The following ADCY2 variants were observed in gnomAD, a reference collection of about 807,000 sequenced individuals.
ADCY2 encodes the protein adenylate cyclase type 2.
Under a neutral mutation model 125.2 loss-of-function variants are expected in ADCY2, and 31 were observed. The observed-to-expected ratio is 0.25, with a 90% CI of 0.19 to 0.33. ADCY2 has a LOEUF of 0.33. Among genes scored for constraint, ADCY2 ranks in the 10% least tolerant of loss-of-function variants. The pLI is 1.00. For missense variants in ADCY2, 904 were observed against 1,418.2 expected, an observed-to-expected ratio of 0.64 and a Z score of 5.82; for synonymous variants, 512 against 548.4, an observed-to-expected ratio of 0.93 and a Z score of 0.93.
At chr5:7,728,085 A>G (rs986748160) in intron 14 of ADCY2, among the ~76,000 whole-genome samples, 3 of 151,614 alleles carry the variant, frequency 2.0e-5, no homozygotes, top group Non-Finnish European at 4.4e-5. Flanking sequence ...TTCTTAACCT[A>G]TTTTGTTAAG....
chr5:7,602,106 G>A (rs1342300005), intron 3 of ADCY2, among the ~76,000 whole-genome samples: 11 of 152,138 alleles, frequency 7.2e-5, no homozygotes, highest in Admixed American at 7.2e-4. Context: ...TTTGTCATTG[G>A]ATTTTGGGTC....
intron 3 of ADCY2, among the ~76,000 whole-genome samples, chr5:7,623,697 C>T (rs1433097667): frequency 6.6e-6 from 1 of 152,184 alleles, no homozygotes; most frequent in African/African-American, 2.4e-5. Context: ...TGAAGACTGC[C>T]ACATTGCTCT....
chr5:7,440,345 C>T (rs1457206520), intron 2 of ADCY2, among the ~76,000 whole-genome samples: 1 of 152,210 alleles, frequency 6.6e-6, no homozygotes, highest in African/African-American at 2.4e-5. Flanking sequence ...AAGAAATACA[C>T]TGCGCGCACT....
intron 22 of ADCY2, among the ~76,000 whole-genome samples, chr5:7,812,906 T>C (rs1323497699): frequency 6.6e-6 from 1 of 151,526 alleles, no homozygotes; most frequent in Non-Finnish European, 1.5e-5. Context: ...CAAGACTCCA[T>C]CTCAAAAAAA....
rs552440629 is a variant in ADCY2 at position 7,714,976 on chromosome 5, C to T, written c.1622+2077C>T. ...ATGTGTTGGACACAGGGGTTGGGGT[C>T]CTAGAGCAGTGGGAAGGCCAATGGT... On this transcript the variant is annotated intron_variant, in intron 11 of 24. Coordinates refer to ENST00000338316, the MANE Select transcript of ADCY2 (RefSeq NM_020546.3). Among the ~76,000 whole-genome samples, 5 of 152,236 alleles carry T rather than the reference C, an allele frequency of 3.3e-5. No homozygotes were observed. In the South Asian group the frequency reaches 8.3e-4, roughly 25 times the overall value.
At chr5:7,741,888 T>C (rs1313994629) in intron 14 of ADCY2, among the ~76,000 whole-genome samples, 1 of 147,402 alleles carries the variant, frequency 6.8e-6, no homozygotes, top group Non-Finnish European at 1.5e-5. Context: ...TCACTATCCC[T>C]GTCACCATCA....
chr5:7,720,218 C>A (rs1181024050), intron 12 of ADCY2, among the ~76,000 whole-genome samples: 1 of 152,066 alleles, frequency 6.6e-6, no homozygotes, highest in Non-Finnish European at 1.5e-5. Context: ...AGTTCCAATC[C>A]CCCCAAGTAA....
At position 7,792,418 on chromosome 5, in the gene ADCY2, A is replaced by G. The variant is rs150359433; in HGVS notation, c.2628+2618A>G. Reference sequence around the variant, plus strand: ...TCTAAATAAATAAATAAACATTTTTAAAAGAATTTGGGAGCTGATAGGAGG... The same window carrying G: ...TCTAAATAAATAAATAAACATTTTTGAAAGAATTTGGGAGCTGATAGGAGG... On this transcript the variant is annotated intron_variant, in intron 20 of 24. Transcript: ENST00000338316. Among the ~76,000 whole-genome samples, 144 of 152,192 alleles carry G rather than the reference A, an allele frequency of 9.5e-4. 2 individuals are homozygous for G. Among genetic ancestry groups the G allele is most frequent in the African/African-American group, 3.4e-3 (140 of 41,526 alleles).
intron 22 of ADCY2, among the ~76,000 whole-genome samples, chr5:7,809,566 A>G (rs2126529641): frequency 6.6e-6 from 1 of 152,340 alleles, no homozygotes; most frequent in East Asian, 1.9e-4. Flanking sequence ...TTCAGTTACA[A>G]AATATATAGG....
chr5:7,543,788 C>T (rs1039545332), intron 3 of ADCY2, among the ~76,000 whole-genome samples: 4 of 151,854 alleles, frequency 2.6e-5, no homozygotes, highest in South Asian at 2.1e-4. Context: ...CCGAGGTGGG[C>T]GGATCACAAG....
chr5:7,628,323 A>T (rs1343116534), intron 4 of ADCY2, among the ~76,000 whole-genome samples: 1 of 152,216 alleles, frequency 6.6e-6, no homozygotes, highest in African/African-American at 2.4e-5. Flanking sequence ...TTCCAAGTAG[A>T]TGGATTACAT....
chr5:7,432,814 G>A (rs1305945293), intron 2 of ADCY2, among the ~76,000 whole-genome samples: 1 of 151,976 alleles, frequency 6.6e-6, no homozygotes, highest in Non-Finnish European at 1.5e-5. Context: ...CTTTTGGGGT[G>A]ATGGCTGTGT....
At chr5:7,609,510 G>T (rs188233538) in intron 3 of ADCY2, among the ~76,000 whole-genome samples, 1 of 152,280 alleles carries the variant, frequency 6.6e-6, no homozygotes, top group Admixed American at 6.5e-5. Context: ...CTGAATCATA[G>T]GTGTATGTGG....
At chr5:7,480,315 A>G (rs1742681622) in intron 2 of ADCY2, among the ~76,000 whole-genome samples, 1 of 152,230 alleles carries the variant, frequency 6.6e-6, no homozygotes. Flanking sequence ...TATTCATTGC[A>G]TCACTGTCTG....
intron 5 of ADCY2, among the ~76,000 whole-genome samples, chr5:7,692,972 A>G (rs1362973163): frequency 6.6e-6 from 1 of 152,108 alleles, no homozygotes; most frequent in East Asian, 1.9e-4. Context: ...ACCACCATCA[A>G]GCACAGCACA....
At chr5:7,511,268 T>C (rs1561066190) in intron 2 of ADCY2, among the ~76,000 whole-genome samples, 1 of 152,058 alleles carries the variant, frequency 6.6e-6, no homozygotes, top group Non-Finnish European at 1.5e-5. Context: ...ACATTCTAAT[T>C]GCAATAATGA....
intron 1 of ADCY2, among the ~76,000 whole-genome samples, chr5:7,410,828 G>T (rs1222986438): frequency 2.0e-5 from 3 of 152,054 alleles, no homozygotes; most frequent in Admixed American, 2.0e-4. Flanking sequence ...CTTATTTTAA[G>T]CTAGTCTGTC....
chr5:7,710,295 A>G (rs959923439), intron 10 of ADCY2, among the ~76,000 whole-genome samples: 26 of 152,222 alleles, frequency 1.7e-4, no homozygotes, highest in Admixed American at 5.9e-4. Flanking sequence ...TAAAAAGTAA[A>G]TGTGACTATC....
chr5:7,750,177 T>C (rs571252682), intron 15 of ADCY2, among the ~76,000 whole-genome samples: 2 of 152,186 alleles, frequency 1.3e-5, no homozygotes, highest in Non-Finnish European at 2.9e-5. Flanking sequence ...TGCTTCTACT[T>C]GTTTTTCCTT....
Sources: allele counts gnomAD v4.1 joint callset (sites outside exome capture counted in the v4.1 genomes callset), GRCh38; gene constraint gnomAD v4.1.1; transcripts MANE v1.5; gene names NCBI Gene and HGNC (gene_info 2026-07-23, HGNC 2026-07-21).